Variants in EYS observed in about 807,000 individuals in gnomAD.
EYS encodes the protein protein eyes shut homolog.
A neutral mutation model predicts 282.1 loss-of-function variants in EYS; 250 were observed. The observed-to-expected ratio is 0.89, with a 90% CI of 0.80 to 0.98. The LOEUF is 0.98. Ranked by LOEUF, EYS falls within the 50% of genes least tolerant of loss-of-function variation. EYS has a pLI of 0.00. For missense variants in EYS, 4,016 were observed against 3,709.0 expected, an observed-to-expected ratio of 1.08 and a Z score of -2.15; for synonymous variants, 1,355 against 1,282.9, an observed-to-expected ratio of 1.06 and a Z score of -1.20.
At chr6:64,790,784 T>C (rs1774164658) in intron 22 of EYS, among the ~76,000 whole-genome samples, 1 of 151,920 alleles carries the variant, frequency 6.6e-6, no homozygotes, top group Non-Finnish European at 1.5e-5. Context: ...CGATTTCTGG[T>C]ATGTATTTGA....
chr6:64,110,258 C>A (rs994958261), intron 31 of EYS, among the ~76,000 whole-genome samples: 2 of 151,866 alleles, frequency 1.3e-5, no homozygotes, highest in Non-Finnish European at 2.9e-5. Context: ...ATAATATAGA[C>A]ATTGGGGTAA....
chr6:64,318,272 A>G (rs1439268923), intron 29 of EYS, among the ~76,000 whole-genome samples: 1 of 152,024 alleles, frequency 6.6e-6, no homozygotes, highest in Non-Finnish European at 1.5e-5. Context: ...TTCTACCTCC[A>G]TATTAGTATT....
At position 65,130,559 on chromosome 6, in the gene EYS, C is replaced by T. The variant is rs1179828549; in HGVS notation, c.2024-72832G>A. 2.0e-5 allele frequency among the ~76,000 whole-genome samples: 3 copies of T among 151,806 alleles called. No homozygotes were observed. In the South Asian group the frequency reaches 6.2e-4, roughly 32 times the overall value. ...GCAAAGTAACACAGGAACAGAAAAC[C>T]AAATACTGCATATTGTCACTTATAA... is the stretch of plus-strand genomic sequence containing the variant. On this transcript the variant is annotated intron_variant, in intron 12 of 42. Transcript: ENST00000503581.
chr6:65,406,674 CCTT>C (rs1766753170), intron 5 of EYS, among the ~76,000 whole-genome samples: 1 of 151,972 alleles, frequency 6.6e-6, no homozygotes, highest in African/African-American at 2.4e-5. Flanking sequence ...TTAAGACTGT[CCTT>C]CCCTCATTTC....
chr6:65,581,583 G>T (rs1464412997), intron 2 of EYS, among the ~76,000 whole-genome samples: 1 of 152,016 alleles, frequency 6.6e-6, no homozygotes, highest in Non-Finnish European at 1.5e-5. Flanking sequence ...CCCTCCTAAT[G>T]TTTAATGTTA....
At chr6:65,106,152 G>A (rs1028311320) in intron 12 of EYS, among the ~76,000 whole-genome samples, 2 of 151,902 alleles carry the variant, frequency 1.3e-5, no homozygotes, top group African/African-American at 4.8e-5. Flanking sequence ...TACGCAGTAT[G>A]GATAGATGAG....
At chr6:64,611,913 T>C (rs1277207622) in intron 24 of EYS, among the ~76,000 whole-genome samples, 1 of 152,160 alleles carries the variant, frequency 6.6e-6, no homozygotes, top group Non-Finnish European at 1.5e-5. Context: ...ATGGCATCTT[T>C]GCTTTATTTC....
intron 14 of EYS, among the ~76,000 whole-genome samples, chr6:64,976,828 AT>A (rs148230642): frequency 1.0e-4 from 15 of 150,024 alleles, no homozygotes; most frequent in African/African-American, 2.7e-4. Flanking sequence ...AAATATTGAG[AT>A]TTTTTTTTTG....
chr6:65,437,197 G>A (rs1768106471), intron 5 of EYS, among the ~76,000 whole-genome samples: 1 of 152,080 alleles, frequency 6.6e-6, no homozygotes, highest in South Asian at 2.1e-4. Flanking sequence ...GGCTCATAAT[G>A]TGAAATTTAT....
At chr6:65,644,929 A>T (rs534026473) in intron 1 of EYS, among the ~76,000 whole-genome samples, 1 of 152,318 alleles carries the variant, frequency 6.6e-6, no homozygotes, top group African/African-American at 2.4e-5. Flanking sequence ...TAAGACTTCA[A>T]AATAAACCAA....
chr6:65,365,536 G>T (rs200449624), intron 8 of EYS, among the ~76,000 whole-genome samples: 1 of 82,042 alleles, frequency 1.2e-5, no homozygotes, highest in Non-Finnish European at 2.7e-5. Flanking sequence ...CTTTTATTTT[G>T]TTTGCAATTA....
chr6:64,501,331 A>T (rs1582826169), intron 26 of EYS, among the ~76,000 whole-genome samples: 2 of 152,160 alleles, frequency 1.3e-5, no homozygotes, highest in South Asian at 4.1e-4. Context: ...GAAAATATTT[A>T]AAAAAATAAC....
intron 40 of EYS, among the ~76,000 whole-genome samples, chr6:63,763,525 T>C (rs1476711758): frequency 6.6e-6 from 1 of 151,790 alleles, no homozygotes; most frequent in Non-Finnish European, 1.5e-5. Context: ...GTGGAGAAAA[T>C]TGACTCATGG....
At chr6:64,270,669 A>C (rs1160107397) in intron 30 of EYS, among the ~76,000 whole-genome samples, 1 of 152,188 alleles carries the variant, frequency 6.6e-6, no homozygotes, top group Admixed American at 6.5e-5. Flanking sequence ...TTTGTTAAGC[A>C]TATGCAACAT....
At chr6:64,567,114 C>T (rs1765589092) in intron 26 of EYS, among the ~76,000 whole-genome samples, 1 of 151,820 alleles carries the variant, frequency 6.6e-6, no homozygotes, top group South Asian at 2.1e-4. Context: ...AAATACACTT[C>T]AGTGTAACCC....
chr6:64,393,012 A>G (rs558909490), intron 28 of EYS, among the ~76,000 whole-genome samples: 1 of 152,338 alleles, frequency 6.6e-6, no homozygotes, highest in African/African-American at 2.4e-5. Context: ...CTACGCAAAT[A>G]CTAAAGTAGA....
intron 29 of EYS, among the ~76,000 whole-genome samples, chr6:64,314,312 T>A (rs1433219590): frequency 2.0e-5 from 3 of 150,030 alleles, no homozygotes; most frequent in Non-Finnish European, 4.4e-5. Flanking sequence ...GGTAAAGGGA[T>A]TAATGCAACA....
rs9450334 is a variant in EYS, at chr6:63,902,930, A to G, written c.7056-38572T>C. 4.5e-3 allele frequency among the ~76,000 whole-genome samples: 679 copies of G among 152,322 alleles called. 5 individuals are homozygous for G. The highest frequency in any genetic ancestry group is 0.016 in the African/African-American group (650 of 41,574). ...TGTATACCAGGGTAATTGGCTAAGC[A>G]TGAAGTAGGGGAGAAGGTGCTAGGT... On this transcript the variant is annotated intron_variant, in intron 35 of 42. Coordinates refer to ENST00000503581, the MANE Select transcript of EYS (RefSeq NM_001142800.2).
At chr6:65,038,186 T>A (rs1436783840) in intron 13 of EYS, among the ~76,000 whole-genome samples, 2 of 151,408 alleles carry the variant, frequency 1.3e-5, no homozygotes, top group Non-Finnish European at 3.0e-5. Context: ...ATTAGATGGG[T>A]TTTAAAAATG....
Sources: allele counts gnomAD v4.1 joint callset (sites outside exome capture counted in the v4.1 genomes callset), GRCh38; gene constraint gnomAD v4.1.1; transcripts MANE v1.5; gene names NCBI Gene and HGNC (gene_info 2026-07-23, HGNC 2026-07-21).